KMT2C: variants seen among roughly 807,000 people sequenced by gnomAD.
The protein encoded by KMT2C is histone-lysine N-methyltransferase 2C.
KMT2C carries 88 observed loss-of-function variants against 507.9 expected under a neutral mutation model. The ratio of observed to expected loss-of-function variants is 0.17; its 90% CI spans 0.15 to 0.21. The LOEUF (loss-of-function observed/expected upper bound fraction) is 0.21. Ranked by LOEUF, KMT2C falls within the 10% of genes least tolerant of loss-of-function variation. KMT2C has a pLI of 1.00. For missense variants in KMT2C, 4,954 were observed against 5,957.8 expected, an observed-to-expected ratio of 0.83 and a Z score of 5.55; for synonymous variants, 2,049 against 2,080.8, an observed-to-expected ratio of 0.98 and a Z score of 0.42.
intron 7 of KMT2C, among the ~76,000 whole-genome samples, chr7:152,273,308 G>C (rs182699869): frequency 1.1e-4 from 16 of 152,236 alleles, no homozygotes; most frequent in Admixed American, 8.5e-4. Context: ...CGTAAATCCT[G>C]AAATAACACC....
chr7:152,288,404 C>T (rs2096346393), intron 6 of KMT2C, among the ~76,000 whole-genome samples: 1 of 151,744 alleles, frequency 6.6e-6, no homozygotes, highest in Non-Finnish European at 1.5e-5. Context: ...CATGGTGGCA[C>T]ACACCTATAA....
intron 9 of KMT2C, among the ~76,000 whole-genome samples, chr7:152,255,948 C>G (rs2095654265): frequency 6.6e-6 from 1 of 152,156 alleles, no homozygotes; most frequent in Non-Finnish European, 1.5e-5. Context: ...GCAGGCAGAT[C>G]AATTGAGGCC....
intron 6 of KMT2C, among the ~76,000 whole-genome samples, chr7:152,307,278 A>AAAGGAAGG (rs35363127): frequency 0.046 from 4,902 of 107,356 alleles, 182 homozygotes; most frequent in African/African-American, 0.07. Flanking sequence ...AGGAAGAAAG[A>AAAGGAAGG]AAGGAAGGAA....
At chr7:152,166,912 T>C (rs1318330614) in intron 42 of KMT2C, among the ~76,000 whole-genome samples, 1 of 152,232 alleles carries the variant, frequency 6.6e-6, no homozygotes. Context: ...ACTCAATCTC[T>C]TTTGTGTCAT....
At chr7:152,350,080 G>C (rs1028050378) in intron 2 of KMT2C, among the ~76,000 whole-genome samples, 1 of 152,042 alleles carries the variant, frequency 6.6e-6, no homozygotes, top group Non-Finnish European at 1.5e-5. Context: ...GGAAAACCCT[G>C]TCTCTACTAA....
At chr7:152,153,103 G>A in intron 48 of KMT2C, 149 bp from the exon 49 acceptor site, 106 of 1,016,358 alleles carry the variant, frequency 1.0e-4, no homozygotes, top group South Asian at 4.8e-4. Context: ...AAGAACCTCA[G>A]GAAAAAAATT....
intron 1 of KMT2C, among the ~76,000 whole-genome samples, chr7:152,363,011 G>GATTA: frequency 1.3e-5 from 2 of 152,150 alleles, no homozygotes; most frequent in Admixed American, 1.3e-4. Context: ...GCTGCTCATT[G>GATTA]GCTTCTGCCA....
intron 20 of KMT2C, among the ~76,000 whole-genome samples, chr7:152,223,491 A>G (rs2094836532): frequency 6.6e-6 from 1 of 152,120 alleles, no homozygotes; most frequent in South Asian, 2.1e-4. Flanking sequence ...AAAAAGGCCT[A>G]AATTAAAAAT....
chr7:152,321,984 T>C (rs1366340164), intron 3 of KMT2C, among the ~76,000 whole-genome samples: 1 of 151,484 alleles, frequency 6.6e-6, no homozygotes, highest in Non-Finnish European at 1.5e-5. Context: ...AAAAGAACAA[T>C]GCTGGATGCA....
intron 3 of KMT2C, among the ~76,000 whole-genome samples, chr7:152,327,943 G>C (rs1354931824): frequency 7.1e-6 from 1 of 140,338 alleles, no homozygotes; most frequent in East Asian, 2.1e-4. Flanking sequence ...GGGCAACAGA[G>C]CGAGACTCCG....
At chr7:152,334,703 T>C (rs757199880) in intron 2 of KMT2C, among the ~76,000 whole-genome samples, 8 of 151,990 alleles carry the variant, frequency 5.3e-5, no homozygotes, top group Non-Finnish European at 8.8e-5. Flanking sequence ...GGAATGGACA[T>C]GACAGCAACC....
At chr7:152,366,379 A>G (rs972258392) in intron 1 of KMT2C, among the ~76,000 whole-genome samples, 1 of 152,230 alleles carries the variant, frequency 6.6e-6, no homozygotes, top group African/African-American at 2.4e-5. Flanking sequence ...CATTGGCAGT[A>G]TGTCTATGGT....
In KMT2C at chr7:152,422,430, C is replaced by T. The variant is rs570185303; in HGVS notation, c.161+13196G>A. Among the ~76,000 whole-genome samples the T allele has an allele frequency of 1.8e-3, 267 of 151,408 alleles. 1 individual carries two copies. Among genetic ancestry groups the T allele is most frequent in the African/African-American group, 6.1e-3 (253 of 41,228 alleles). Reference sequence around the variant, plus strand: ...AGATCGCATCACTGCACTCCAGCCACGCGACAGAGCAAGACTCTGTCTCAA... The same window carrying T: ...AGATCGCATCACTGCACTCCAGCCATGCGACAGAGCAAGACTCTGTCTCAA... On this transcript the variant is annotated intron_variant, in intron 1 of 58. Coordinates refer to ENST00000262189, the MANE Select transcript of KMT2C (RefSeq NM_170606.3).
intron 1 of KMT2C, among the ~76,000 whole-genome samples, chr7:152,375,244 G>T (rs1278259269): frequency 6.6e-6 from 1 of 151,944 alleles, no homozygotes; most frequent in Non-Finnish European, 1.5e-5. Flanking sequence ...GTTTCACCAT[G>T]CTGGCCAGGC....
At chr7:152,329,281 G>C (rs549322711) in intron 3 of KMT2C, among the ~76,000 whole-genome samples, 3 of 152,236 alleles carry the variant, frequency 2.0e-5, no homozygotes, top group East Asian at 3.9e-4. Flanking sequence ...GAAGATGAGA[G>C]AGGTCAGGTG....
chr7:152,159,092 T>G lies in KMT2C; in HGVS notation c.11461-20A>C. ...AGTTTGCTAATGTAATTGGAAAGGG[T>G]AAAAAATAAGTGAACAATTTGCATA... On this transcript the variant is annotated intron_variant, in intron 43 of 58. Coordinates refer to ENST00000262189, the MANE Select transcript of KMT2C (RefSeq NM_170606.3). 1 of 1,609,300 alleles carries G rather than the reference T, an allele frequency of 6.2e-7. No individual in the cohort carries two copies. The highest frequency in any genetic ancestry group is 8.5e-7 in the Non-Finnish European group (1 of 1,175,858).
chr7:152,234,940 TTTA>T (rs1276177106), intron 16 of KMT2C, among the ~76,000 whole-genome samples: 2 of 152,038 alleles, frequency 1.3e-5, no homozygotes, highest in Non-Finnish European at 2.9e-5. Context: ...CATCCACAGT[TTTA>T]TTAATACTCA....
chr7:152,291,841 T>C (rs1220898189), intron 6 of KMT2C, among the ~76,000 whole-genome samples: 1 of 152,262 alleles, frequency 6.6e-6, no homozygotes, highest in Non-Finnish European at 1.5e-5. Flanking sequence ...CTAATAGTCT[T>C]TTTTAAAGTT....
At chr7:152,185,835 C>CT (rs1166406996) in intron 33 of KMT2C, among the ~76,000 whole-genome samples, 1 of 152,176 alleles carries the variant, frequency 6.6e-6, no homozygotes, top group Non-Finnish European at 1.5e-5. Context: ...GAAGTGCTGC[C>CT]TTATTAACAA....
Sources: allele counts gnomAD v4.1 joint callset (sites outside exome capture counted in the v4.1 genomes callset), GRCh38; gene constraint gnomAD v4.1.1; transcripts MANE v1.5; gene names NCBI Gene and HGNC (gene_info 2026-07-23, HGNC 2026-07-21).